The following HHAT variants were observed in gnomAD, a reference collection of about 807,000 sequenced individuals.
HHAT encodes hedgehog acyltransferase.
In HHAT, 47 loss-of-function variants were observed where a neutral mutation model predicts 70.8. The observed-to-expected ratio is 0.66, with a 90% CI of 0.53 to 0.85. The LOEUF (loss-of-function observed/expected upper bound fraction) is 0.85, where lower values mean the gene tolerates loss of function less well. Among genes scored for constraint, HHAT ranks in the 40% least tolerant of loss-of-function variants. HHAT has a pLI of 0.00. For synonymous variants in HHAT, 228 were observed against 247.6 expected (o/e 0.92, Z 0.74); for missense variants, 609 against 604.8 (o/e 1.01, Z -0.07).
At chr1:210,669,993 T>TG (rs1679760001) in intron 11 of HHAT, among the ~76,000 whole-genome samples, 1 of 134,718 alleles carries the variant, frequency 7.4e-6, no homozygotes, top group Non-Finnish European at 1.6e-5. Flanking sequence ...GAATACCCAG[T>TG]GGGGAGGGGT....
At chr1:210,464,058 A>G (rs539122355) in intron 7 of HHAT, among the ~76,000 whole-genome samples, 1 of 152,270 alleles carries the variant, frequency 6.6e-6, no homozygotes, top group Admixed American at 6.5e-5. Flanking sequence ...AAATAACCCA[A>G]TTGTATTCTT....
chr1:210,329,534 G>T, intron 1 of HHAT: 1 of 973,572 alleles, frequency 1.0e-6, no homozygotes, highest in Non-Finnish European at 1.2e-6. Context: ...TTCTTCCTCT[G>T]TTCTGAGTCT....
At chr1:210,401,731 C>G (rs1378549192) in intron 5 of HHAT, among the ~76,000 whole-genome samples, 2 of 152,084 alleles carry the variant, frequency 1.3e-5, no homozygotes, top group African/African-American at 4.8e-5. Flanking sequence ...CAGACTTGAC[C>G]CAGAGAATTG....
chr1:210,505,157 C>G (rs2094830745), intron 8 of HHAT, among the ~76,000 whole-genome samples: 1 of 152,182 alleles, frequency 6.6e-6, no homozygotes, highest in South Asian at 2.1e-4. Context: ...CCTCGGCCTC[C>G]CAAAGTGCTG....
In HHAT at chr1:210,354,503, T is replaced by G. The variant is rs146200813; in HGVS notation, c.91+5437T>G. Among the ~76,000 whole-genome samples the G allele has an allele frequency of 3.3e-5, 5 of 152,208 alleles. No homozygotes were observed. In the East Asian group the frequency reaches 9.6e-4, roughly 29 times the overall value. The stretch of plus-strand genomic sequence containing the variant: ...ATGCAATCTTGATCATGTACTGAGT[T>G]CTTTTGTTAAAATTTATTTTTATTT... On this transcript the variant is annotated intron_variant, in intron 2 of 11. Transcript: ENST00000261458.
At chr1:210,643,474 A>G (rs1673371049) in intron 11 of HHAT, among the ~76,000 whole-genome samples, 1 of 152,242 alleles carries the variant, frequency 6.6e-6, no homozygotes, top group Non-Finnish European at 1.5e-5. Context: ...TTATTTATAT[A>G]GGTGGGGAAG....
At chr1:210,596,859 G>T (rs1022248844) in intron 10 of HHAT, among the ~76,000 whole-genome samples, 2 of 152,100 alleles carry the variant, frequency 1.3e-5, no homozygotes, top group Non-Finnish European at 2.9e-5. Flanking sequence ...TATTTTCATG[G>T]ATGGTTGTCA....
intron 10 of HHAT, among the ~76,000 whole-genome samples, chr1:210,605,241 G>T (rs6540609): frequency 0.98 from 149,272 of 152,320 alleles, 73,215 homozygotes; most frequent in East Asian, 1. Flanking sequence ...ATAGGGAAAC[G>T]GGAGACTGGG....
intron 3 of HHAT, among the ~76,000 whole-genome samples, chr1:210,380,575 C>T (rs1435567289): frequency 1.3e-5 from 2 of 151,950 alleles, no homozygotes; most frequent in Admixed American, 1.3e-4. Flanking sequence ...TTTTAAAAAG[C>T]ACAATGGGAT....
At chr1:210,620,329 G>GA (rs1333800517) in intron 10 of HHAT, among the ~76,000 whole-genome samples, 1 of 152,148 alleles carries the variant, frequency 6.6e-6, no homozygotes, top group Non-Finnish European at 1.5e-5. Context: ...TCCCAAGGTG[G>GA]AGAGAGAGAT....
chr1:210,345,801 A>T (rs1053951684), intron 1 of HHAT, among the ~76,000 whole-genome samples: 1 of 152,208 alleles, frequency 6.6e-6, no homozygotes, highest in Admixed American at 6.5e-5. Context: ...GAGCAGCACT[A>T]AGCTGGGTGC....
intron 7 of HHAT, among the ~76,000 whole-genome samples, chr1:210,450,099 C>T (rs1462480137): frequency 6.6e-6 from 1 of 152,136 alleles, no homozygotes; most frequent in East Asian, 1.9e-4. Flanking sequence ...CAAAGCCAGC[C>T]TGGCCAACAT....
chr1:210,469,892 G>C (rs2094171275), intron 8 of HHAT, among the ~76,000 whole-genome samples: 1 of 152,006 alleles, frequency 6.6e-6, no homozygotes, highest in Non-Finnish European at 1.5e-5. Flanking sequence ...TGTTATATAG[G>C]TATACATGTA....
intron 8 of HHAT, among the ~76,000 whole-genome samples, chr1:210,481,069 G>T (rs2094388782): frequency 6.6e-6 from 1 of 151,914 alleles, no homozygotes; most frequent in Admixed American, 6.6e-5. Flanking sequence ...ATAAATAAGC[G>T]AATGATATGG....
chr1:210,478,337 G>T (rs1031330732), intron 8 of HHAT, among the ~76,000 whole-genome samples: 11 of 152,284 alleles, frequency 7.2e-5, no homozygotes, highest in Admixed American at 2.0e-4. Flanking sequence ...CTAAAATGTG[G>T]CCTAGGTGCC....
intron 11 of HHAT, among the ~76,000 whole-genome samples, chr1:210,628,239 C>T (rs950735277): frequency 6.6e-6 from 1 of 151,928 alleles, no homozygotes; most frequent in Admixed American, 6.6e-5. Flanking sequence ...GGTGGAGAGC[C>T]TTATAATGTG....
chr1:210,445,089 C>T (rs76159784), intron 7 of HHAT, among the ~76,000 whole-genome samples: 3,422 of 152,270 alleles, frequency 0.022, 128 homozygotes, highest in African/African-American at 0.073. Context: ...CTGCCTGACT[C>T]GGCCTCCCAA....
intron 10 of HHAT, among the ~76,000 whole-genome samples, chr1:210,593,986 C>T (rs1347639358): frequency 6.6e-6 from 1 of 151,966 alleles, no homozygotes; most frequent in Non-Finnish European, 1.5e-5. Flanking sequence ...AGTATAGCTG[C>T]TGATGTTCTT....
At chr1:210,499,877 A>G (rs745651892) in intron 8 of HHAT, among the ~76,000 whole-genome samples, 23 of 152,224 alleles carry the variant, frequency 1.5e-4, no homozygotes, top group Non-Finnish European at 2.6e-4. Flanking sequence ...TAAAGCTCCA[A>G]TATATCATGA....
Sources: allele counts gnomAD v4.1 joint callset (sites outside exome capture counted in the v4.1 genomes callset), GRCh38; gene constraint gnomAD v4.1.1; transcripts MANE v1.5; gene names NCBI Gene and HGNC (gene_info 2026-07-23, HGNC 2026-07-21).